The following DDX4 variants were observed in gnomAD, a reference collection of about 807,000 sequenced individuals.
The protein encoded by DDX4 is probable ATP-dependent RNA helicase DDX4.
Under a neutral mutation model 100.0 loss-of-function variants are expected in DDX4, and 25 were observed. The ratio of observed to expected loss-of-function variants is 0.25; its 90% CI spans 0.18 to 0.35. The LOEUF (loss-of-function observed/expected upper bound fraction) is 0.35, where lower values mean the gene tolerates loss of function less well. DDX4 is among the 10% of genes least tolerant of loss of function. The pLI is 1.00. For synonymous variants in DDX4, 259 were observed against 275.7 expected (o/e 0.94, Z 0.60); for missense variants, 635 against 882.4 (o/e 0.72, Z 3.55).
chr5:55,740,247 G>A (rs1758901618), intron 2 of DDX4, among the ~76,000 whole-genome samples: 2 of 152,072 alleles, frequency 1.3e-5, no homozygotes. Flanking sequence ...TGGGCTCACT[G>A]CAGCCTCTGC....
chr5:55,763,028 G>T (rs956576687), intron 4 of DDX4, 147 bp from the exon 5 acceptor site: 1 of 536,456 alleles, frequency 1.9e-6, no homozygotes, highest in South Asian at 3.2e-5. Context: ...TAAGTTGCAG[G>T]TATATTAATT....
chr5:55,785,767 G>A lies in DDX4; in HGVS notation c.760G>A (p.Asp254Asn). Residue 254 changes from aspartate (D) to asparagine (N), a missense_variant, in exon 13 of 22, where the codon GAT becomes AAT. By Grantham distance (23) the Asp-to-Asn change is conservative (BLOSUM62 1). Coordinates refer to ENST00000505374, the MANE Select transcript of DDX4 (RefSeq NM_024415.3). ...CTACATACCCCCTCCTCCACCTGAG[G>A]ATGAGGACTCCATCTTTGCACATTA... is the stretch of plus-strand genomic sequence containing the variant. Reference protein sequence around the residue: ...VTYIPPPPPEDEDSIFAHYQT... With the variant: ...VTYIPPPPPENEDSIFAHYQT... 6.2e-7 allele frequency: 1 copy of A among 1,611,956 alleles called. No individual in the cohort carries two copies. The highest frequency in any genetic ancestry group is 1.3e-5 in the African/African-American group (1 of 74,946).
At chr5:55,788,650 A>G (rs1015912917) in intron 15 of DDX4, among the ~76,000 whole-genome samples, 16 of 152,168 alleles carry the variant, frequency 1.1e-4, no homozygotes, top group African/African-American at 3.6e-4. Context: ...ATAAGAACTG[A>G]TTTTTAATGA....
chr5:55,794,034 A>G (rs759131549), intron 17 of DDX4, among the ~76,000 whole-genome samples: 52 of 152,282 alleles, frequency 3.4e-4, no homozygotes, highest in Admixed American at 1.2e-3. Flanking sequence ...TATTTTTTAT[A>G]TGGTAAATCT....
At chr5:55,747,209 C>T (rs537096050) in intron 3 of DDX4, among the ~76,000 whole-genome samples, 6 of 152,038 alleles carry the variant, frequency 3.9e-5, no homozygotes, top group Non-Finnish European at 7.4e-5. Context: ...GGTGAAACCC[C>T]GTCTCTACTA....
intron 6 of DDX4, among the ~76,000 whole-genome samples, chr5:55,766,537 A>G (rs2111848038): frequency 6.6e-6 from 1 of 150,810 alleles, no homozygotes; most frequent in African/African-American, 2.4e-5. Flanking sequence ...GCCCTTCTAC[A>G]TTGTATTAAG....
chr5:55,808,187 C>A (rs1255352389), intron 18 of DDX4, among the ~76,000 whole-genome samples: 1 of 152,120 alleles, frequency 6.6e-6, no homozygotes, highest in Non-Finnish European at 1.5e-5. Flanking sequence ...TTAAGGACTT[C>A]TCTGCATTGG....
chr5:55,781,824 G>A (rs1741930960), intron 9 of DDX4, 110 bp from the exon 10 acceptor site: 1 of 1,218,004 alleles, frequency 8.2e-7, no homozygotes, highest in East Asian at 2.5e-5. Context: ...TGGGTTAAAG[G>A]ACCAGGATTC....
At position 55,790,638 on chromosome 5, in the gene DDX4, T is replaced by C. The variant is rs1157476706; in HGVS notation, c.1235T>C (p.Ile412Thr). ...GTQLGHSIRQ[I>T]VQGCNILCAT... ...CAGCTGGGACATTCAATTCGACAAA[T>C]AGTACAAGGCTGTAATATATTATGT... Residue 412 changes from isoleucine to threonine, a missense_variant, in exon 16 of 22, where the codon ATA becomes ACA. Ile to Thr is a moderately conservative substitution (Grantham distance 89). Coordinates refer to ENST00000505374, the MANE Select transcript of DDX4 (RefSeq NM_024415.3). The C allele has an allele frequency of 6.2e-7, 1 of 1,607,946 alleles. No individual in the cohort carries two copies. Among genetic ancestry groups the C allele is most frequent in the East Asian group, 2.2e-5 (1 of 44,808 alleles).
intron 2 of DDX4, among the ~76,000 whole-genome samples, chr5:55,745,203 G>T (rs1759186952): frequency 6.6e-6 from 1 of 152,010 alleles, no homozygotes; most frequent in Non-Finnish European, 1.5e-5. Context: ...TTTAAAACAT[G>T]AGAGTACCAT....
At chr5:55,754,604 T>A (rs560393515) in intron 3 of DDX4, among the ~76,000 whole-genome samples, 2,700 of 151,650 alleles carry the variant, frequency 0.018, 43 homozygotes, top group Middle Eastern at 0.037. Flanking sequence ...TTTGCATCAA[T>A]GTTCATCAAG....
At chr5:55,782,640 T>C (rs1741993334) in intron 10 of DDX4, among the ~76,000 whole-genome samples, 1 of 151,942 alleles carries the variant, frequency 6.6e-6, no homozygotes, top group Non-Finnish European at 1.5e-5. Context: ...AATAAAATAA[T>C]AATCATGAAA....
chr5:55,772,115 G>T (rs1420884725), intron 7 of DDX4, among the ~76,000 whole-genome samples: 4 of 152,142 alleles, frequency 2.6e-5, no homozygotes, highest in Non-Finnish European at 5.9e-5. Context: ...GCAGGCTGAG[G>T]CAGAAGAATC....
intron 3 of DDX4, among the ~76,000 whole-genome samples, chr5:55,751,512 G>A (rs939647205): frequency 9.2e-5 from 14 of 152,216 alleles, no homozygotes; most frequent in African/African-American, 2.9e-4. Flanking sequence ...TGGGATTATA[G>A]GCGTGAGCCA....
At chr5:55,770,959 C>T (rs749115162) in intron 7 of DDX4, among the ~76,000 whole-genome samples, 1 of 152,056 alleles carries the variant, frequency 6.6e-6, no homozygotes, top group East Asian at 1.9e-4. Flanking sequence ...ATGAGGCAGT[C>T]GAAACCATTT....
chr5:55,815,268 A>G, intron 20 of DDX4, 45 bp from the exon 21 acceptor site: 5 of 1,594,032 alleles, frequency 3.1e-6, no homozygotes, highest in Non-Finnish European at 4.3e-6. Flanking sequence ...AACTTTTCCA[A>G]TATTTAATAC....
intron 18 of DDX4, among the ~76,000 whole-genome samples, chr5:55,811,264 A>T (rs1378565147): frequency 1.3e-5 from 2 of 152,164 alleles, no homozygotes; most frequent in Admixed American, 1.3e-4. Flanking sequence ...ATCAAAGCAG[A>T]TAAAATTCAG....
intron 18 of DDX4, 109 bp from the exon 19 acceptor site, chr5:55,813,564 A>G (rs1744234261): frequency 7.3e-7 from 1 of 1,378,870 alleles, no homozygotes; most frequent in South Asian, 2.0e-5. Context: ...GCTGGTAGTA[A>G]ATACAGTGGT....
intron 7 of DDX4, among the ~76,000 whole-genome samples, chr5:55,772,002 TA>T (rs2111896811): frequency 6.6e-6 from 1 of 152,276 alleles, no homozygotes; most frequent in Admixed American, 6.5e-5. Flanking sequence ...GCAGATCACT[TA>T]AGGTCAGGAG....
Sources: allele counts gnomAD v4.1 joint callset (sites outside exome capture counted in the v4.1 genomes callset), GRCh38; gene constraint gnomAD v4.1.1; transcripts MANE v1.5; gene names NCBI Gene and HGNC (gene_info 2026-07-23, HGNC 2026-07-21).